PRUNE2: variants seen among roughly 807,000 people sequenced by gnomAD.
PRUNE2 encodes the protein prune homolog 2 with BCH domain, also known as protein prune homolog 2.
In PRUNE2, 164 loss-of-function variants were observed where a neutral mutation model predicts 252.0. That is an observed-to-expected ratio of 0.65 (90% CI 0.57 to 0.74). The LOEUF is 0.74. Among genes scored for constraint, PRUNE2 ranks in the 30% least tolerant of loss-of-function variants. PRUNE2 has a pLI of 0.00. For synonymous variants in PRUNE2, 1,292 were observed against 1,350.2 expected (o/e 0.96, Z 0.94); for missense variants, 3,495 against 3,711.0 (o/e 0.94, Z 1.51).
chr9:76,734,092 T>C (rs7040264), intron 6 of PRUNE2, among the ~76,000 whole-genome samples: 58,167 of 151,792 alleles, frequency 0.38, 11,785 homozygotes, highest in Admixed American at 0.52. Flanking sequence ...TGAAAATGAG[T>C]TGATTTGTCT....
At chr9:76,694,137 A>C (rs1452540600) in intron 9 of PRUNE2, among the ~76,000 whole-genome samples, 2 of 152,154 alleles carry the variant, frequency 1.3e-5, no homozygotes, top group African/African-American at 4.8e-5. Context: ...TGAAGGCTAC[A>C]GAACAGACAC....
intron 11 of PRUNE2, among the ~76,000 whole-genome samples, chr9:76,649,590 TATAGATAGATAGATAGATAGATGATAG>T (rs1846394594): frequency 7.7e-6 from 1 of 129,372 alleles, no homozygotes; most frequent in African/African-American, 3.1e-5. Context: ...TGTCTTAAAG[TATAGATAGATAGATAGATAGATGATAG>T]ATAGATAGAT....
chr9:76,734,815 A>T (rs1017583118), intron 6 of PRUNE2, among the ~76,000 whole-genome samples: 2 of 152,114 alleles, frequency 1.3e-5, no homozygotes, highest in African/African-American at 4.8e-5. Flanking sequence ...CAGGAATAAC[A>T]TGTGACCTGA....
chr9:76,867,285 G>A (rs1210501067), intron 1 of PRUNE2, among the ~76,000 whole-genome samples: 1 of 151,376 alleles, frequency 6.6e-6, no homozygotes. Flanking sequence ...AGAGGGTAGG[G>A]GAGAACAACA....
At chr9:76,896,443 G>C (rs1330891911) in intron 1 of PRUNE2, among the ~76,000 whole-genome samples, 2 of 152,112 alleles carry the variant, frequency 1.3e-5, no homozygotes, top group Non-Finnish European at 2.9e-5. Context: ...GGTAACTTTG[G>C]GTTGGCTGAT....
At chr9:76,742,371 T>C (rs1402304400) in intron 6 of PRUNE2, among the ~76,000 whole-genome samples, 1 of 152,122 alleles carries the variant, frequency 6.6e-6, no homozygotes, top group Non-Finnish European at 1.5e-5. Flanking sequence ...CCCAACACTT[T>C]GAGATGTTGA....
intron 6 of PRUNE2, among the ~76,000 whole-genome samples, chr9:76,803,634 A>G (rs536594112): frequency 1.3e-5 from 2 of 152,124 alleles, no homozygotes; most frequent in Non-Finnish European, 1.5e-5. Context: ...TGCCCCAGCT[A>G]GGCTGGCTGC....
rs115754097 is a variant in PRUNE2 at position 76,741,600 on chromosome 9, C to T, written c.757-27879G>A. ...TGGGCCAGGACATATGGCCCTCCTG[C>T]GAAGGTAACTCACATACCTCACAAA... On this transcript the variant is annotated intron_variant, in intron 6 of 18. Coordinates refer to ENST00000376718, the MANE Select transcript of PRUNE2 (RefSeq NM_015225.3). Among the ~76,000 whole-genome samples, 495 of 152,246 alleles carry T rather than the reference C, an allele frequency of 3.3e-3. 5 individuals are homozygous for T. The highest frequency in any genetic ancestry group is 0.012 in the African/African-American group (483 of 41,544).
intron 6 of PRUNE2, among the ~76,000 whole-genome samples, chr9:76,744,158 C>T (rs1036197682): frequency 6.6e-6 from 1 of 152,322 alleles, no homozygotes; most frequent in South Asian, 2.1e-4. Context: ...CAAGAAAAAA[C>T]TCTGCAGATG....
chr9:76,693,186 C>CA (rs1412230791), intron 9 of PRUNE2, among the ~76,000 whole-genome samples: 3 of 151,832 alleles, frequency 2.0e-5, no homozygotes, highest in Non-Finnish European at 2.9e-5. Context: ...GTATGATCTT[C>CA]AAAAAATATA....
intron 1 of PRUNE2, among the ~76,000 whole-genome samples, chr9:76,861,262 G>A (rs1035039576): frequency 6.6e-6 from 1 of 152,154 alleles, no homozygotes. Context: ...CTTGATACTG[G>A]CCCTGGGTTT....
intron 6 of PRUNE2, among the ~76,000 whole-genome samples, chr9:76,717,279 T>C (rs1292036472): frequency 1.3e-5 from 2 of 152,182 alleles, no homozygotes; most frequent in African/African-American, 4.8e-5. Flanking sequence ...GTGAGAATCT[T>C]CAGGATTCCA....
chr9:76,755,846 T>G (rs1398589580), intron 6 of PRUNE2, among the ~76,000 whole-genome samples: 2 of 152,080 alleles, frequency 1.3e-5, no homozygotes, highest in African/African-American at 4.8e-5. Context: ...AGACCACAGG[T>G]GCACGCCACC....
At chr9:76,722,049 T>C (rs571019403) in intron 6 of PRUNE2, among the ~76,000 whole-genome samples, 25 of 151,988 alleles carry the variant, frequency 1.6e-4, no homozygotes, top group Non-Finnish European at 2.6e-4. Context: ...TGTCATTTAT[T>C]TATACTCTAT....
chr9:76,837,532 G>A (rs1389765914), intron 4 of PRUNE2, among the ~76,000 whole-genome samples: 5 of 151,166 alleles, frequency 3.3e-5, no homozygotes, highest in Non-Finnish European at 5.9e-5. Context: ...CTGACATGCT[G>A]TGCACAATTC....
intron 4 of PRUNE2, among the ~76,000 whole-genome samples, chr9:76,834,001 G>A (rs989275898): frequency 4.6e-5 from 7 of 150,576 alleles, no homozygotes; most frequent in African/African-American, 1.7e-4. Flanking sequence ...TCCTGCCTCA[G>A]CCTCCCGAGT....
chr9:76,818,625 G>A (rs185505281), intron 6 of PRUNE2, among the ~76,000 whole-genome samples: 3 of 152,112 alleles, frequency 2.0e-5, no homozygotes, highest in South Asian at 2.1e-4. Context: ...GAGAGAAAAC[G>A]GCCCTGAACA....
At chr9:76,691,865 C>T (rs1361979685) in intron 9 of PRUNE2, 1 of 559,612 alleles carries the variant, frequency 1.8e-6, no homozygotes, top group Non-Finnish European at 3.2e-6. Context: ...CGACCACAAG[C>T]TTTTCTAGGA....
intron 6 of PRUNE2, among the ~76,000 whole-genome samples, chr9:76,813,661 T>C (rs1489920489): frequency 6.6e-6 from 1 of 152,184 alleles, no homozygotes; most frequent in Non-Finnish European, 1.5e-5. Flanking sequence ...TACATTTTTG[T>C]TGCAATTACA....
Sources: gnomAD v4.1 joint callset for allele counts (sites outside exome capture counted in the v4.1 genomes callset) on GRCh38, gnomAD v4.1.1 for gene constraint, MANE v1.5 for transcripts, NCBI Gene and HGNC (gene_info 2026-07-23, HGNC 2026-07-21) for gene names.